Variants in IPO11 observed in about 807,000 individuals in gnomAD.
The protein encoded by IPO11 is importin 11, also known as importin-11.
Under a neutral mutation model 143.2 loss-of-function variants are expected in IPO11, and 66 were observed. That is an observed-to-expected ratio of 0.46 (90% CI 0.38 to 0.57). The LOEUF (loss-of-function observed/expected upper bound fraction) is 0.57. IPO11 is among the 20% of genes least tolerant of loss of function. The probability of loss-of-function intolerance (pLI) is 0.00; values close to 1 mark genes in which losing one functional copy is unlikely to be tolerated. For synonymous variants in IPO11, 385 were observed against 377.8 expected (o/e 1.02, Z -0.22); for missense variants, 1,026 against 1,141.0 (o/e 0.90, Z 1.45).
At chr5:62,535,545 G>GT (rs1742706597) in intron 22 of IPO11, among the ~76,000 whole-genome samples, 1 of 151,856 alleles carries the variant, frequency 6.6e-6, no homozygotes, top group Non-Finnish European at 1.5e-5. Flanking sequence ...ACAGTTTTTG[G>GT]TTTTTTTATG....
At chr5:62,605,982 C>T (rs974212602) in intron 29 of IPO11, among the ~76,000 whole-genome samples, 13 of 152,124 alleles carry the variant, frequency 8.5e-5, no homozygotes, top group Non-Finnish European at 1.9e-4. Flanking sequence ...CCTCCCTTGT[C>T]AGCCTTCCAA....
At chr5:62,498,377 AG>A (rs1214781572) in intron 16 of IPO11, among the ~76,000 whole-genome samples, 1 of 152,158 alleles carries the variant, frequency 6.6e-6, no homozygotes, top group African/African-American at 2.4e-5. Context: ...ATAATATATT[AG>A]TTAGTAGATA....
chr5:62,470,396 A>G (rs750197176), intron 7 of IPO11, 88 bp downstream of exon 7: 435 of 1,163,016 alleles, frequency 3.7e-4, no homozygotes, highest in Non-Finnish European at 5.1e-4. Context: ...TTGGCATTCA[A>G]TTAGAAGAGT....
intron 26 of IPO11, among the ~76,000 whole-genome samples, chr5:62,557,504 A>G (rs753433052): frequency 1.2e-4 from 19 of 152,136 alleles, no homozygotes; most frequent in Non-Finnish European, 2.8e-4. Flanking sequence ...TTGCTTAGGA[A>G]CTTAAAATAT....
chr5:62,520,004 C>A (rs925799506), intron 20 of IPO11, among the ~76,000 whole-genome samples: 1 of 152,178 alleles, frequency 6.6e-6, no homozygotes, highest in Non-Finnish European at 1.5e-5. Flanking sequence ...TGGGGAAATT[C>A]TCAAATGTCA....
chr5:62,460,890 C>T (rs367634254), intron 5 of IPO11, among the ~76,000 whole-genome samples: 1 of 152,068 alleles, frequency 6.6e-6, no homozygotes, highest in Non-Finnish European at 1.5e-5. Context: ...TCCAGCTGAG[C>T]CTTCTGTAAG....
At chr5:62,552,512 A>C (rs1354594145) in intron 26 of IPO11, among the ~76,000 whole-genome samples, 4 of 147,652 alleles carry the variant, frequency 2.7e-5, no homozygotes, top group Non-Finnish European at 6.0e-5. Context: ...AGGTCTTGCT[A>C]TATTTTCCAA....
chr5:62,448,068 GCTTTA>G (rs767022361), intron 3 of IPO11, among the ~76,000 whole-genome samples: 15 of 151,690 alleles, frequency 9.9e-5, no homozygotes, highest in South Asian at 6.2e-4. Flanking sequence ...TTTCTTTCTT[GCTTTA>G]CTTTGGATTA....
At chr5:62,547,149 G>A (rs899884813) in intron 24 of IPO11, among the ~76,000 whole-genome samples, 2 of 152,062 alleles carry the variant, frequency 1.3e-5, no homozygotes, top group Non-Finnish European at 1.5e-5. Flanking sequence ...GTACATCCCT[G>A]GTGGGATGTA....
At chr5:62,424,753 T>A (rs1233749221) in intron 1 of IPO11, among the ~76,000 whole-genome samples, 1 of 152,132 alleles carries the variant, frequency 6.6e-6, no homozygotes, top group Non-Finnish European at 1.5e-5. Context: ...GAATATTTGT[T>A]CTTATCTTAA....
chr5:62,580,597 A>C lies in IPO11; in HGVS notation c.2583-10980A>C, dbSNP rs772512223. On this transcript the variant is annotated intron_variant, in intron 27 of 29. Coordinates refer to ENST00000325324, the MANE Select transcript of IPO11 (RefSeq NM_016338.5). ...CATTACTCTAAACATCTATTGTCAG[A>C]ATCCCCCATCCATGCGTGGCAGAGC... 14 of 1,551,340 alleles carry C rather than the reference A, an allele frequency of 9.0e-6. No homozygotes were observed. The African/African-American group carries it at 1.9e-4, about 21-fold the overall frequency.
chr5:62,466,081 A>G (rs1745564335), intron 5 of IPO11, among the ~76,000 whole-genome samples: 1 of 152,204 alleles, frequency 6.6e-6, no homozygotes, highest in Admixed American at 6.5e-5. Context: ...TGGTGCAGAT[A>G]AAGAGACGAG....
Position 62,574,557 on chromosome 5 carries a change from C to T in IPO11, c.2582+13300C>T, listed in dbSNP as rs760045253. Reference sequence around the variant, plus strand: ...GTGTTCCAAAGGTTTCATGTGGAGCCAGGGGAAAGAGGAGATATTTTGAAT... The same window carrying T: ...GTGTTCCAAAGGTTTCATGTGGAGCTAGGGGAAAGAGGAGATATTTTGAAT... On this transcript the variant is annotated intron_variant, in intron 27 of 29. Transcript: ENST00000325324. Among the ~76,000 whole-genome samples the T allele has an allele frequency of 7.2e-5, 11 of 152,104 alleles. 1 individual carries two copies. The highest frequency in any genetic ancestry group is 4.1e-4 in the South Asian group (2 of 4,834).
rs773962368 is a variant in IPO11 at position 62,490,195 on chromosome 5, C to G, written c.1438C>G (p.Pro480Ala). ...TCAGTGGTTTAAAAACCAGCTTCTT[C>G]CAGAATTACAAGTCATTCACAATAG... The part of the protein sequence containing the change: ...FDQWFKNQLL[P>A]ELQVIHNRYK... Residue 480 changes from proline to alanine, a missense_variant, in exon 15 of 30, where the codon CCA becomes GCA. Pro to Ala is a conservative substitution (Grantham distance 27). Coordinates refer to ENST00000325324, the MANE Select transcript of IPO11 (RefSeq NM_016338.5). 1.9e-6 allele frequency: 3 copies of G among 1,602,248 alleles called. No homozygotes were observed. The highest frequency in any genetic ancestry group is 2.6e-6 in the Non-Finnish European group (3 of 1,174,270).
intron 1 of IPO11, among the ~76,000 whole-genome samples, chr5:62,424,456 G>T (rs1743642495): frequency 6.6e-6 from 1 of 150,664 alleles, no homozygotes; most frequent in Non-Finnish European, 1.5e-5. Context: ...TTTTTGAGAA[G>T]AAGTCTCTCT....
chr5:62,541,861 G>A (rs1409384214), intron 24 of IPO11, among the ~76,000 whole-genome samples: 1 of 151,964 alleles, frequency 6.6e-6, no homozygotes, highest in African/African-American at 2.4e-5. Flanking sequence ...ACAGATTAAG[G>A]CAATTTCTCT....
At chr5:62,527,517 A>G (rs1742407374) in intron 21 of IPO11, among the ~76,000 whole-genome samples, 1 of 152,234 alleles carries the variant, frequency 6.6e-6, no homozygotes. Context: ...TTCCTGGCAT[A>G]TAAATAATTT....
At chr5:62,558,503 TTA>T (rs1419792150) in intron 26 of IPO11, among the ~76,000 whole-genome samples, 2 of 152,206 alleles carry the variant, frequency 1.3e-5, no homozygotes, top group African/African-American at 2.4e-5. Flanking sequence ...TGCTTAAGAA[TTA>T]TATCATTAAG....
chr5:62,588,728 C>A (rs1481926597), intron 27 of IPO11, among the ~76,000 whole-genome samples: 2 of 152,200 alleles, frequency 1.3e-5, no homozygotes, highest in Admixed American at 1.3e-4. Context: ...TTGCCTGACT[C>A]AATTTCTCCA....
Sources: allele counts gnomAD v4.1 joint callset (sites outside exome capture counted in the v4.1 genomes callset), GRCh38; gene constraint gnomAD v4.1.1; transcripts MANE v1.5; gene names NCBI Gene and HGNC (gene_info 2026-07-23, HGNC 2026-07-21).